SP2: variants seen among roughly 807,000 people sequenced by gnomAD.
SP2 encodes transcription factor Sp2.
In SP2, 9 loss-of-function variants were observed where a neutral mutation model predicts 50.1. The observed-to-expected ratio is 0.18, with a 90% CI of 0.11 to 0.31. SP2 has a LOEUF of 0.31. Ranked by LOEUF, SP2 falls within the 10% of genes least tolerant of loss-of-function variation. The pLI, the probability that SP2 is intolerant of heterozygous loss-of-function variation, is 1.00. For missense variants in SP2, 581 were observed against 806.5 expected, an observed-to-expected ratio of 0.72 and a Z score of 3.39; for synonymous variants, 313 against 326.6, an observed-to-expected ratio of 0.96 and a Z score of 0.45.
At chr17:47,924,876 C>T (rs1018386415) in intron 4 of SP2, 43 bp from the exon 5 acceptor site, 3 of 1,524,550 alleles carry the variant, frequency 2.0e-6, no homozygotes, top group African/African-American at 1.4e-5. Flanking sequence ...CTCGAGGTTT[C>T]AGGCTTCCTC....
chr17:47,931,505 T>C (rs1053065468), downstream of SP2, among the ~76,000 whole-genome samples: 6 of 152,072 alleles, frequency 3.9e-5, no homozygotes, highest in Non-Finnish European at 8.8e-5. Context: ...AGGGTAGGTG[T>C]GTAGGAGCCC....
chr17:47,923,015 C>T lies in SP2; in HGVS notation c.1113C>T (p.Ser371=). 1.2e-6 allele frequency: 2 copies of T among 1,614,126 alleles called. No homozygotes were observed. The highest frequency in any genetic ancestry group is 1.1e-5 in the South Asian group (1 of 91,082). The change falls in exon 4 of 7, where the codon AGC becomes AGT. Residue 371 remains serine (S), a synonymous_variant. Coordinates refer to ENST00000376741, the MANE Select transcript of SP2 (RefSeq NM_003110.6). ...TGCAGACAGTCCTTGTCCAGGACAG[C>T]CCCCCAGCAACAGCTGCAGCCACCT... ...GEVQTVLVQD[S]PPATAAATSN...
At chr17:47,920,111 C>A (rs1598156229) in intron 3 of SP2, among the ~76,000 whole-genome samples, 1 of 151,800 alleles carries the variant, frequency 6.6e-6, no homozygotes, top group South Asian at 2.1e-4. Context: ...GGCTAAAGGT[C>A]AACTTTGGCC....
At chr17:47,899,853 T>C (rs1490260384) in intron 1 of SP2, 1 of 152,304 alleles carries the variant, frequency 6.6e-6, no homozygotes, top group Non-Finnish European at 1.5e-5. Context: ...AAAGGGCTGA[T>C]GTTTCTTAGG....
chr17:47,925,348 G>A lies in SP2; in HGVS notation c.1548G>A (p.Arg516=), dbSNP rs779536237. The A allele has an allele frequency of 9.3e-6, 15 of 1,612,272 alleles. No individual in the cohort carries two copies. Among genetic ancestry groups the A allele is most frequent in the Non-Finnish European group, 1.3e-5 (15 of 1,179,052 alleles). The change falls in exon 6 of 7, where the codon AGG becomes AGA. Residue 516 remains arginine (R), a splice_region_variant and synonymous_variant. Coordinates refer to ENST00000376741, the MANE Select transcript of SP2 (RefSeq NM_003110.6). ...ACTCCACCCTCACCCCAATTCTCAGGTCTGGAGAGCAGGGCAAGAAGAAGC... is the reference window on the plus strand; with the variant it reads ...ACTCCACCCTCACCCCAATTCTCAGATCTGGAGAGCAGGGCAAGAAGAAGC... ...TCPNCKDGEK[R]SGEQGKKKHV... is the part of the protein sequence containing the mutation.
At chr17:47,915,133 A>C (rs745685687) in intron 1 of SP2, among the ~76,000 whole-genome samples, 179 bp from the exon 2 acceptor site, 29 of 152,000 alleles carry the variant, frequency 1.9e-4, no homozygotes, top group Non-Finnish European at 3.2e-4. Flanking sequence ...GAATTGCTTG[A>C]ACTTGGAAGG....
intron 1 of SP2, among the ~76,000 whole-genome samples, chr17:47,906,413 G>C (rs2143831469): frequency 6.6e-6 from 1 of 152,322 alleles, no homozygotes; most frequent in Non-Finnish European, 1.5e-5. Context: ...CAGTTCAGTG[G>C]TGTAAACAGA....
Position 47,927,918 on chromosome 17 carries a change from C to T in SP2, c.*94C>T. 4 of 749,154 alleles carry T rather than the reference C, an allele frequency of 5.3e-6. No individual in the cohort carries two copies. The highest frequency in any genetic ancestry group is 2.1e-5 in the Admixed American group (1 of 48,248). The allele number at this position is 749,154 out of a possible 1,614,324, so 46.4% of individuals were successfully genotyped here. A position where few individuals can be genotyped will look rare whatever the true frequency, so the allele number is the denominator to read the frequency against. ...AAGGAGCCCTGTGGCTGCCTTGGGC[C>T]TGCCCTCAGCCCCACTCCTGTTCTG... On this transcript the variant is annotated 3_prime_UTR_variant, in exon 7 of 7. Coordinates refer to ENST00000376741, the MANE Select transcript of SP2 (RefSeq NM_003110.6).
chr17:47,910,437 T>C (rs556284959), intron 1 of SP2, among the ~76,000 whole-genome samples: 2 of 152,362 alleles, frequency 1.3e-5, no homozygotes, highest in East Asian at 3.9e-4. Context: ...TCTGATAGTT[T>C]GAACACTACC....
At chr17:47,926,512 G>C (rs1339692560) in intron 6 of SP2, among the ~76,000 whole-genome samples, 1 of 151,310 alleles carries the variant, frequency 6.6e-6, no homozygotes. Flanking sequence ...GGGTCTTACT[G>C]TGTTGCCCAG....
intron 1 of SP2, among the ~76,000 whole-genome samples, chr17:47,900,915 T>C (rs942196454): frequency 2.6e-5 from 4 of 152,182 alleles, no homozygotes; most frequent in African/African-American, 4.8e-5. Context: ...TCTCTAAAAT[T>C]CTGAGGCCCA....
intron 3 of SP2, chr17:47,917,985 T>A (rs1217475044): frequency 4.9e-6 from 1 of 204,098 alleles, no homozygotes; most frequent in Non-Finnish European, 1.0e-5. Context: ...GTATCCAAGA[T>A]CAAATAGGGC....
In SP2 at chr17:47,928,067, G is replaced by A. The variant is rs1031026726; in HGVS notation, c.*243G>A. On this transcript the variant is annotated 3_prime_UTR_variant, in exon 7 of 7. Coordinates refer to ENST00000376741, the MANE Select transcript of SP2 (RefSeq NM_003110.6). ...CCTGCCCAGACTGTGGACACTGGCC[G>A]TGCCCAATGAGACGTTCTAAACCAG... is the stretch of plus-strand genomic sequence containing the variant. The A allele has an allele frequency of 2.0e-4, 96 of 489,804 alleles. No individual in the cohort carries two copies. Among genetic ancestry groups the A allele is most frequent in the Non-Finnish European group, 2.8e-4 (75 of 269,992 alleles). 30.3% of individuals were successfully genotyped at this position (489,804 alleles called of 1,614,324 possible).
intron 3 of SP2, among the ~76,000 whole-genome samples, chr17:47,919,847 T>TTTTTTTTTTTTTTTTTTTA (rs775471593): frequency 1.0e-5 from 1 of 99,918 alleles, no homozygotes; most frequent in Non-Finnish European, 2.2e-5. Context: ...TTTTTTTTTT[T>TTTTTTTTTTTTTTTTTTTA]CTGTTTTTTT....
chr17:47,919,825 C>CTTTTTTTTTTTTTTTTTTTTTTTTTT (rs141856390), intron 3 of SP2, among the ~76,000 whole-genome samples: 1 of 94,800 alleles, frequency 1.1e-5, no homozygotes, highest in Admixed American at 1.4e-4. Flanking sequence ...TTTGTCATTC[C>CTTTTTTTTTTTTTTTTTTTTTTTTTT]TTTTTTTTTT....
At chr17:47,913,488 A>C (rs927122782) in intron 1 of SP2, among the ~76,000 whole-genome samples, 2 of 152,112 alleles carry the variant, frequency 1.3e-5, no homozygotes, top group Non-Finnish European at 2.9e-5. Context: ...TCTTTTCCTT[A>C]GTGATTTATG....
At position 47,920,665 on chromosome 17, in the gene SP2, C is replaced by T. The variant is rs987582984; in HGVS notation, c.1060-2297C>T. On this transcript the variant is annotated intron_variant, in intron 3 of 6. Coordinates refer to ENST00000376741, the MANE Select transcript of SP2 (RefSeq NM_003110.6). ...CTCGAACTTCTGACCTTATGATCCA[C>T]CCGCCTCGGCCTCCCAAAGTGCTGG... Among the ~76,000 whole-genome samples the T allele has an allele frequency of 2.6e-5, 4 of 152,212 alleles. 1 individual carries two copies. The highest frequency in any genetic ancestry group is 6.8e-3 in the Middle Eastern group (2 of 294).
chr17:47,918,442 T>C (rs2035302775), intron 3 of SP2: 2 of 152,188 alleles, frequency 1.3e-5, no homozygotes, highest in Non-Finnish European at 2.9e-5. Context: ...ATTCCCATGA[T>C]CAGACCTACC....
downstream of SP2, among the ~76,000 whole-genome samples, chr17:47,930,859 A>C (rs2035804493): frequency 6.6e-6 from 1 of 152,084 alleles, no homozygotes; most frequent in African/African-American, 2.4e-5. Flanking sequence ...CTCTCTGTCC[A>C]GCTGACACTT....
Sources: allele counts gnomAD v4.1 joint callset (sites outside exome capture counted in the v4.1 genomes callset), GRCh38; gene constraint gnomAD v4.1.1; transcripts MANE v1.5; gene names NCBI Gene and HGNC (gene_info 2026-07-23, HGNC 2026-07-21).